The following WDPCP variants were observed in gnomAD, a reference collection of about 807,000 sequenced individuals.
WDPCP encodes the protein WD repeat-containing and planar cell polarity effector protein fritz homolog.
In WDPCP, 71 loss-of-function variants were observed where a neutral mutation model predicts 93.1. The observed-to-expected ratio is 0.76, with a 90% CI of 0.63 to 0.93. The LOEUF (loss-of-function observed/expected upper bound fraction) is 0.93, where lower values mean the gene tolerates loss of function less well. WDPCP is among the 40% of genes least tolerant of loss of function. The pLI is 0.00. For missense variants in WDPCP, 844 were observed against 887.4 expected, an observed-to-expected ratio of 0.95 and a Z score of 0.62; for synonymous variants, 315 against 315.0, an observed-to-expected ratio of 1.00 and a Z score of 0.00.
chr2:63,318,689 C>G (rs1366723380), intron 12 of WDPCP, among the ~76,000 whole-genome samples: 1 of 152,126 alleles, frequency 6.6e-6, no homozygotes, highest in African/African-American at 2.4e-5. Context: ...CCCATGTTCT[C>G]TCTTATAAGT....
At chr2:63,628,269 A>T (rs993294847) in intron 3 of WDPCP, among the ~76,000 whole-genome samples, 2 of 152,184 alleles carry the variant, frequency 1.3e-5, no homozygotes, top group Non-Finnish European at 2.9e-5. Context: ...GCGATAAAAA[A>T]TTTTTTTCTC....
rs1702634918 is a variant in WDPCP, at chr2:63,517,583, G to C, written c.76-24643C>G. Among the ~76,000 whole-genome samples the C allele has an allele frequency of 2.0e-5, 3 of 152,048 alleles. No individual in the cohort carries two copies. The South Asian group carries it at 6.2e-4, about 32-fold the overall frequency. ...AATATATAAAACTTGTACAAGTAAA[G>C]ACTGGTTGAAGCAAGGTCCAGGGCC... On this transcript the variant is annotated intron_variant, in intron 1 of 17. Coordinates refer to ENST00000272321, the MANE Select transcript of WDPCP (RefSeq NM_015910.7).
chr2:63,403,204 T>C (rs562472462), intron 10 of WDPCP, among the ~76,000 whole-genome samples: 49 of 152,218 alleles, frequency 3.2e-4, no homozygotes, highest in African/African-American at 1.2e-3. Flanking sequence ...TTCTCACTTA[T>C]AAGTGGGAGC....
chr2:63,781,884 G>A lies in WDPCP; in HGVS notation n.308+31738C>T, dbSNP rs1670398336. On this transcript the variant is annotated intron_variant and non_coding_transcript_variant, in intron 2 of 4. Transcript: ENST00000467687. The stretch of plus-strand genomic sequence containing the variant: ...CCCAGCCACAGCTCTCTGGGCCAAA[G>A]GTGGGCACCTAATCTGAAGCAGTCA... Among the ~76,000 whole-genome samples, 7 of 152,250 alleles carry A rather than the reference G, an allele frequency of 4.6e-5. No individual in the cohort carries two copies. In the South Asian group the frequency reaches 1.2e-3, roughly 27 times the overall value.
intron 6 of WDPCP, among the ~76,000 whole-genome samples, chr2:63,476,891 T>C (rs1700004646): frequency 6.6e-6 from 1 of 152,174 alleles, no homozygotes; most frequent in Non-Finnish European, 1.5e-5. Flanking sequence ...GGAAAATAAT[T>C]TGTACTTTTA....
At chr2:63,771,726 A>T (rs2103947658) in intron 2 of WDPCP, among the ~76,000 whole-genome samples, 1 of 151,962 alleles carries the variant, frequency 6.6e-6, no homozygotes, top group Middle Eastern at 3.4e-3. Context: ...GGAGGCCCTG[A>T]TGTCTATTGT....
chr2:63,204,976 G>C (rs530212849), intron 14 of WDPCP, among the ~76,000 whole-genome samples: 5 of 152,090 alleles, frequency 3.3e-5, no homozygotes, highest in African/African-American at 1.2e-4. Flanking sequence ...ATTAGTTTGA[G>C]GTTGTAGATT....
chr2:63,575,375 T>G (rs1245241467), intron 1 of WDPCP, among the ~76,000 whole-genome samples: 1 of 133,852 alleles, frequency 7.5e-6, no homozygotes, highest in Non-Finnish European at 1.6e-5. Context: ...ATACAGTATA[T>G]ACAGTATATA....
intron 14 of WDPCP, among the ~76,000 whole-genome samples, chr2:63,242,504 C>T (rs1033235600): frequency 2.0e-5 from 3 of 152,146 alleles, no homozygotes; most frequent in Admixed American, 2.0e-4. Flanking sequence ...CTCCTATAGT[C>T]CCAGCTACAC....
chr2:63,347,558 C>T (rs1011952236), intron 12 of WDPCP, among the ~76,000 whole-genome samples: 3 of 152,098 alleles, frequency 2.0e-5, no homozygotes, highest in Admixed American at 6.6e-5. Context: ...TAAGTATTTG[C>T]CCCAGGCTTA....
At chr2:63,289,175 T>C (rs769938975) in intron 13 of WDPCP, among the ~76,000 whole-genome samples, 4 of 152,160 alleles carry the variant, frequency 2.6e-5, no homozygotes, top group Non-Finnish European at 5.9e-5. Context: ...CTGTTTTTCA[T>C]GAAACTTTTT....
chr2:63,239,111 A>G (rs1003653294), intron 14 of WDPCP, among the ~76,000 whole-genome samples: 3 of 152,220 alleles, frequency 2.0e-5, no homozygotes. Flanking sequence ...ATGTGTGTGT[A>G]TATATGGGTG....
intron 2 of WDPCP, among the ~76,000 whole-genome samples, chr2:63,788,670 T>G (rs1251182505): frequency 7.9e-5 from 12 of 152,362 alleles, no homozygotes; most frequent in African/African-American, 1.2e-4. Context: ...CTTGTGCTAC[T>G]GATTTAAAAA....
rs60229846 is a variant in WDPCP at position 63,607,826 on chromosome 2, C to CA, written n.488+42832dup. Among the ~76,000 whole-genome samples the CA allele has an allele frequency of 5.1e-3, 610 of 118,866 alleles. 7 individuals carry two copies. Among genetic ancestry groups the CA allele is most frequent in the South Asian group, 0.049 (198 of 4,010 alleles). The allele number at this position is 118,866 out of a possible 152,430, so 78.0% of individuals were successfully genotyped here. ...CTGGGCACAGAGCGAGACTCCGTCT[C>CA]AAAAAAAAAAAAAAAAGAAGAAAAG... On this transcript the variant is annotated intron_variant and non_coding_transcript_variant, in intron 3 of 4. Transcript: ENST00000467687.
At chr2:63,722,558 T>TC (rs1669435001) in intron 2 of WDPCP, among the ~76,000 whole-genome samples, 1 of 49,960 alleles carries the variant, frequency 2.0e-5, no homozygotes, top group African/African-American at 7.3e-5. Context: ...GGGAGGGAGG[T>TC]GGGGGGGGGT....
At chr2:63,512,019 C>T (rs1461533103) in intron 1 of WDPCP, among the ~76,000 whole-genome samples, 2 of 152,132 alleles carry the variant, frequency 1.3e-5, no homozygotes, top group African/African-American at 4.8e-5. Context: ...GGCTAATATC[C>T]AGAATCTACA....
At chr2:63,699,228 A>G (rs1224618342) in intron 2 of WDPCP, among the ~76,000 whole-genome samples, 2 of 152,150 alleles carry the variant, frequency 1.3e-5, no homozygotes, top group African/African-American at 4.8e-5. Flanking sequence ...CTCACTGATA[A>G]TGTACTACCT....
chr2:63,353,272 T>C (rs564916321), intron 12 of WDPCP, among the ~76,000 whole-genome samples: 1 of 152,148 alleles, frequency 6.6e-6, no homozygotes, highest in Non-Finnish European at 1.5e-5. Context: ...GAGCCTTAGA[T>C]ACTTGGGCTT....
chr2:63,789,578 T>C (rs974114452), intron 2 of WDPCP, among the ~76,000 whole-genome samples: 2 of 152,162 alleles, frequency 1.3e-5, no homozygotes, highest in Non-Finnish European at 2.9e-5. Flanking sequence ...GCAGAGATCC[T>C]AAACTCAGCT....
Sources: gnomAD v4.1 joint callset for allele counts (sites outside exome capture counted in the v4.1 genomes callset) on GRCh38, gnomAD v4.1.1 for gene constraint, MANE v1.5 for transcripts, NCBI Gene and HGNC (gene_info 2026-07-23, HGNC 2026-07-21) for gene names.